TJP1: variants seen among roughly 807,000 people sequenced by gnomAD.
The protein encoded by TJP1 is tight junction protein ZO-1.
TJP1 carries 43 observed loss-of-function variants against 194.2 expected under a neutral mutation model. The observed-to-expected ratio is 0.22, with a 90% CI of 0.17 to 0.29. TJP1 has a LOEUF of 0.29. TJP1 is among the 10% of genes least tolerant of loss of function. TJP1 has a pLI of 1.00. For missense variants in TJP1, 1,971 were observed against 2,185.7 expected (o/e 0.90, Z 1.96); for synonymous variants, 801 against 779.0 (o/e 1.03, Z -0.47).
chr15:29,800,458 T>C (rs1210738910), intron 2 of TJP1, 188 bp downstream of exon 2: 4 of 588,720 alleles, frequency 6.8e-6, no homozygotes, highest in Non-Finnish European at 1.2e-5. Flanking sequence ...CAAAAGGATA[T>C]ATGAAAAAGT....
intron 2 of TJP1, among the ~76,000 whole-genome samples, chr15:29,903,937 C>T (rs1302491004): frequency 6.6e-6 from 1 of 152,138 alleles, no homozygotes; most frequent in African/African-American, 2.4e-5. Context: ...ATATCATGCT[C>T]ATACAAAATG....
chr15:29,814,764 TA>T (rs1374600801), intron 1 of TJP1, among the ~76,000 whole-genome samples: 1 of 152,194 alleles, frequency 6.6e-6, no homozygotes. Context: ...CCGGACATGA[TA>T]AACTAGAATT....
intron 4 of TJP1, among the ~76,000 whole-genome samples, chr15:29,769,850 T>C (rs1479925293): frequency 6.6e-6 from 1 of 152,226 alleles, no homozygotes; most frequent in Non-Finnish European, 1.5e-5. Context: ...TACTGGTTTA[T>C]GTATTTACTA....
chr15:29,912,562 C>A (rs1257614488), intron 2 of TJP1, among the ~76,000 whole-genome samples: 2 of 151,834 alleles, frequency 1.3e-5, no homozygotes, highest in African/African-American at 4.8e-5. Context: ...CAAAAAGTAG[C>A]CGATGTGGTA....
intron 2 of TJP1, among the ~76,000 whole-genome samples, chr15:29,923,272 A>G (rs967363404): frequency 9.2e-5 from 14 of 152,348 alleles, no homozygotes; most frequent in African/African-American, 3.4e-4. Flanking sequence ...AATAATGGAT[A>G]GGGTAAATAA....
chr15:29,768,837 GA>G (rs928672853), intron 4 of TJP1, among the ~76,000 whole-genome samples: 115 of 151,384 alleles, frequency 7.6e-4, no homozygotes, highest in African/African-American at 2.1e-3. Context: ...AAATATTTAG[GA>G]AAAAAAATGC....
intron 2 of TJP1, among the ~76,000 whole-genome samples, chr15:29,843,476 A>G (rs1016422677): frequency 6.6e-6 from 1 of 152,210 alleles, no homozygotes. Context: ...GGCGTGAGCC[A>G]CCGTGCCCAG....
chr15:29,924,302 C>T (rs1381521644), intron 2 of TJP1, among the ~76,000 whole-genome samples: 2 of 152,218 alleles, frequency 1.3e-5, no homozygotes, highest in East Asian at 3.9e-4. Context: ...CTGAGATGGG[C>T]TCAAGTGATC....
At chr15:29,849,678 C>T (rs1030999232) in intron 2 of TJP1, among the ~76,000 whole-genome samples, 1 of 148,424 alleles carries the variant, frequency 6.7e-6, no homozygotes, top group Non-Finnish European at 1.5e-5. Flanking sequence ...GTCGGAGGTT[C>T]GGAGGTTGCA....
chr15:29,962,503 A>G (rs1328868879), intron 1 of TJP1, among the ~76,000 whole-genome samples: 1 of 152,224 alleles, frequency 6.6e-6, no homozygotes. Flanking sequence ...CTTCTACAAG[A>G]TATTTGTTTT....
chr15:29,775,881 A>G (rs1051167459), intron 2 of TJP1, among the ~76,000 whole-genome samples: 4 of 152,178 alleles, frequency 2.6e-5, no homozygotes, highest in African/African-American at 9.6e-5. Context: ...TGGAGAAAAA[A>G]GCAGCAAAAT....
At chr15:29,854,796 G>T (rs533271189) in intron 2 of TJP1, among the ~76,000 whole-genome samples, 93 of 151,990 alleles carry the variant, frequency 6.1e-4, no homozygotes, top group African/African-American at 2.1e-3. Context: ...CAAGACAAAA[G>T]AAACCTCAAA....
intron 2 of TJP1, among the ~76,000 whole-genome samples, chr15:29,955,753 TAAAAAA>T (rs563535771): frequency 1.6e-3 from 57 of 35,814 alleles, no homozygotes; most frequent in Middle Eastern, 0.023. Context: ...CCTGGCTCTT[TAAAAAA>T]AAAAAAAAAA....
At chr15:29,951,093 A>G (rs1040124028) in intron 2 of TJP1, among the ~76,000 whole-genome samples, 9 of 152,158 alleles carry the variant, frequency 5.9e-5, no homozygotes, top group Non-Finnish European at 1.0e-4. Context: ...TTGAGGGAGG[A>G]GGAGAAATTT....
At chr15:29,761,104 A>AC (rs2045972759) in intron 8 of TJP1, 35 bp downstream of exon 8, 1 of 1,539,056 alleles carries the variant, frequency 6.5e-7, no homozygotes, top group Non-Finnish European at 8.7e-7. Flanking sequence ...AGCAAACAAA[A>AC]CCCCTGTATT....
At chr15:29,944,579 A>G (rs1422621390) in intron 2 of TJP1, among the ~76,000 whole-genome samples, 1 of 152,216 alleles carries the variant, frequency 6.6e-6, no homozygotes, top group Non-Finnish European at 1.5e-5. Context: ...CATAAAGCCA[A>G]TATAATCCCT....
intron 1 of TJP1, among the ~76,000 whole-genome samples, chr15:29,965,186 CATTTATTTATTTATTT>C (rs58512547): frequency 8.1e-5 from 12 of 148,400 alleles, no homozygotes; most frequent in Admixed American, 2.7e-4. Context: ...TACATCCTCA[CATTTATTTATTTATTT>C]ATTTATTTAT....
At position 29,795,170 on chromosome 15, in the gene TJP1, T is replaced by C. The variant is rs554372381; in HGVS notation, c.84+5476A>G. Reference sequence around the variant, plus strand: ...CAGGCATGGTGGCTCACGCCTGTAATCCCAGCACTTTGGGAGGCTGAGGTG... The same window carrying C: ...CAGGCATGGTGGCTCACGCCTGTAACCCCAGCACTTTGGGAGGCTGAGGTG... On this transcript the variant is annotated intron_variant, in intron 2 of 27. Transcript: ENST00000614355. Among the ~76,000 whole-genome samples, 6 of 152,218 alleles carry C rather than the reference T, an allele frequency of 3.9e-5. No homozygotes were observed. The East Asian group carries it at 1.2e-3, about 29-fold the overall frequency.
intron 2 of TJP1, among the ~76,000 whole-genome samples, chr15:29,897,862 G>T (rs2053525101): frequency 6.6e-6 from 1 of 152,152 alleles, no homozygotes; most frequent in Admixed American, 6.5e-5. Flanking sequence ...TTTACCCGAT[G>T]CTGCTACCCA....
Sources: allele counts gnomAD v4.1 joint callset (sites outside exome capture counted in the v4.1 genomes callset), GRCh38; gene constraint gnomAD v4.1.1; transcripts MANE v1.5; gene names NCBI Gene and HGNC (gene_info 2026-07-23, HGNC 2026-07-21).